Variants in SCN3A observed in about 807,000 individuals in gnomAD.
SCN3A encodes sodium voltage-gated channel alpha subunit 3.
SCN3A carries 60 observed loss-of-function variants against 187.6 expected under a neutral mutation model. The observed-to-expected ratio is 0.32, with a 90% confidence interval of 0.26 to 0.40. The LOEUF (loss-of-function observed/expected upper bound fraction) is 0.40, where lower values mean the gene tolerates loss of function less well. Ranked by LOEUF, SCN3A falls within the 10% of genes least tolerant of loss-of-function variation. The pLI is 1.00. For synonymous variants in SCN3A, 788 were observed against 829.2 expected (o/e 0.95, Z 0.85); for missense variants, 1,601 against 2,428.2 (o/e 0.66, Z 7.16).
intron 15 of SCN3A, among the ~76,000 whole-genome samples, chr2:165,134,418 A>G (rs1687545977): frequency 2.0e-5 from 3 of 152,310 alleles, no homozygotes; most frequent in South Asian, 2.1e-4. Context: ...TCAAAATAAC[A>G]GTATAACAAT....
intron 6 of SCN3A, among the ~76,000 whole-genome samples, chr2:165,164,094 A>G (rs1317302496): frequency 6.6e-6 from 1 of 152,194 alleles, no homozygotes; most frequent in Non-Finnish European, 1.5e-5. Context: ...TAATATGAAC[A>G]CATTTGTTTG....
intron 1 of SCN3A, among the ~76,000 whole-genome samples, chr2:165,187,724 C>G (rs1424676505): frequency 6.6e-6 from 1 of 152,202 alleles, no homozygotes; most frequent in Non-Finnish European, 1.5e-5. Context: ...CTCAGAATCA[C>G]TTTAGCAAAG....
intron 6 of SCN3A, chr2:165,164,002 G>C: frequency 1.0e-6 from 1 of 988,384 alleles, no homozygotes; most frequent in South Asian, 1.5e-5. Context: ...AAATGGAATT[G>C]CTATAGACCT....
intron 10 of SCN3A, among the ~76,000 whole-genome samples, chr2:165,155,003 C>T (rs1462819364): frequency 6.6e-6 from 1 of 152,144 alleles, no homozygotes; most frequent in East Asian, 1.9e-4. Flanking sequence ...ATTCCATTTG[C>T]ACTGCAGCTA....
chr2:165,161,137 CTTTT>C (rs61608647), intron 9 of SCN3A, among the ~76,000 whole-genome samples: 10,898 of 94,238 alleles, frequency 0.12, 279 homozygotes, highest in Middle Eastern at 0.19. Flanking sequence ...TTCTTTCTTT[CTTTT>C]TTTTTTTTTT....
rs114450736 is a variant in SCN3A, at chr2:165,109,335, A to G, written c.3843+3550T>C. 8.2e-3 allele frequency among the ~76,000 whole-genome samples: 1,248 copies of G among 152,270 alleles called. 13 individuals carry two copies. Among genetic ancestry groups the G allele is most frequent in the African/African-American group, 0.022 (920 of 41,574 alleles). Reference sequence around the variant, plus strand: ...CTCGATGAACCTTAAATTTATATACATAAGATTCTGGATTCTCTCCTGAGC... The same window carrying G: ...CTCGATGAACCTTAAATTTATATACGTAAGATTCTGGATTCTCTCCTGAGC... On this transcript the variant is annotated intron_variant, in intron 21 of 27. Coordinates refer to ENST00000283254, the MANE Select transcript of SCN3A (RefSeq NM_006922.4).
At chr2:165,100,958 C>G (rs1369365033) in intron 21 of SCN3A, among the ~76,000 whole-genome samples, 1 of 152,106 alleles carries the variant, frequency 6.6e-6, no homozygotes, top group African/African-American at 2.4e-5. Context: ...GTCAGATATA[C>G]TTTAGCCAAA....
chr2:165,147,075 A>G, intron 11 of SCN3A, 46 bp from the exon 12 acceptor site: 1 of 1,608,560 alleles, frequency 6.2e-7, no homozygotes, highest in Non-Finnish European at 8.5e-7. Flanking sequence ...CAGAGCTTTG[A>G]AAACAGTTGA....
At chr2:165,113,719 T>G in intron 20 of SCN3A, 97 bp downstream of exon 20, 1 of 1,356,452 alleles carries the variant, frequency 7.4e-7, no homozygotes, top group Non-Finnish European at 1.1e-6. Context: ...GATATGCCTT[T>G]TCTTTTGATT....
chr2:165,202,108 C>T (rs1162369573), intron 1 of SCN3A, among the ~76,000 whole-genome samples: 1 of 151,948 alleles, frequency 6.6e-6, no homozygotes, highest in Non-Finnish European at 1.5e-5. Flanking sequence ...ATGAAATCAC[C>T]ACTACATTCT....
At chr2:165,185,208 A>G (rs1233986724) in intron 2 of SCN3A, among the ~76,000 whole-genome samples, 1 of 152,236 alleles carries the variant, frequency 6.6e-6, no homozygotes, top group African/African-American at 2.4e-5. Flanking sequence ...ACAACTGCTA[A>G]CTAGTAACAA....
rs748216777 is a variant in SCN3A, at chr2:165,158,600, C to T, written c.1032-2697G>A. On this transcript the variant is annotated intron_variant, in intron 9 of 27. Coordinates refer to ENST00000283254, the MANE Select transcript of SCN3A (RefSeq NM_006922.4). ...ATGAACCCCTGGAAAACACTATTTT[C>T]TTATCATCTCTGTTGCTTTGTGTTT... Among the ~76,000 whole-genome samples the T allele has an allele frequency of 6.6e-5, 9 of 137,262 alleles. 2 individuals are homozygous for T. Among genetic ancestry groups the T allele is most frequent in the Non-Finnish European group, 1.4e-4 (9 of 66,558 alleles). The allele number at this position is 137,262 out of a possible 152,430, so 90.0% of individuals were successfully genotyped here. A position where few individuals can be genotyped will look rare whatever the true frequency, so the allele number is the denominator to read the frequency against.
chr2:165,184,026 G>A (rs562645283), intron 2 of SCN3A, among the ~76,000 whole-genome samples: 78 of 152,184 alleles, frequency 5.1e-4, no homozygotes, highest in Non-Finnish European at 5.0e-4. Flanking sequence ...AAGATTGACC[G>A]ATGAATTACC....
At chr2:165,162,853 C>G (rs770748419) in intron 7 of SCN3A, 25 bp from the exon 8 acceptor site, 1 of 1,613,318 alleles carries the variant, frequency 6.2e-7, no homozygotes, top group East Asian at 2.2e-5. Flanking sequence ...CTATAGGTTA[C>G]CTGAGGAAGA....
At position 165,170,354 on chromosome 2, in the gene SCN3A, T is replaced by C. The variant is rs984263532; in HGVS notation, c.383+76A>G. Reference sequence around the variant, plus strand: ...AATCTCAAAGAAATTTTACAGATACTTGAAAATATAACTGACATTTTCTTT... The same window carrying C: ...AATCTCAAAGAAATTTTACAGATACCTGAAAATATAACTGACATTTTCTTT... On this transcript the variant is annotated intron_variant, in intron 4 of 27. Coordinates refer to ENST00000283254, the MANE Select transcript of SCN3A (RefSeq NM_006922.4). The C allele has an allele frequency of 3.2e-5, 29 of 897,596 alleles. No homozygotes were observed. In the African/African-American group the frequency reaches 4.8e-4, roughly 15 times the overall value. The allele number at this position is 897,596 out of a possible 1,614,324, so 55.6% of individuals were successfully genotyped here. A position where few individuals can be genotyped will look rare whatever the true frequency, so the allele number is the denominator to read the frequency against.
At chr2:165,113,992 T>C in intron 19 of SCN3A, 22 bp from the exon 20 acceptor site, 4 of 1,428,222 alleles carry the variant, frequency 2.8e-6, no homozygotes, top group Non-Finnish European at 3.9e-6. Flanking sequence ...ATATAGTTAA[T>C]TAAAAAATAT....
chr2:165,195,388 A>G (rs1207287999), intron 1 of SCN3A: 1 of 152,100 alleles, frequency 6.6e-6, no homozygotes, highest in Non-Finnish European at 1.5e-5. Context: ...CATTGAGTTC[A>G]CTCATTCTTC....
intron 4 of SCN3A, among the ~76,000 whole-genome samples, chr2:165,170,191 T>C (rs1204870072): frequency 6.6e-6 from 1 of 151,954 alleles, no homozygotes; most frequent in Non-Finnish European, 1.5e-5. Context: ...TTTCCTACTA[T>C]GTGTTTCCTT....
Position 165,147,002 on chromosome 2 carries a change from T to C in SCN3A, c.1408A>G (p.Arg470Gly). ...AACCCACCTATTCCACTGAAATCTC[T>C]TGAAGCAGCTGATGCTGCCGCAACT... is the stretch of plus-strand genomic sequence containing the variant. Reference protein sequence around the residue: ...QAVAAASAASRDFSGIGGLGE... With the variant: ...QAVAAASAASGDFSGIGGLGE... The change falls in exon 12 of 28, where the codon AGA becomes GGA. Residue 470 changes from arginine (R) to glycine (G), a missense_variant. Physicochemically the swap from Arg to Gly is moderately radical, Grantham distance 125 (BLOSUM62 -2). Transcript: ENST00000283254. 6.2e-7 allele frequency: 1 copy of C among 1,614,028 alleles called. No individual in the cohort carries two copies. The highest frequency in any genetic ancestry group is 1.6e-4 in the Middle Eastern group (1 of 6,062).
Sources: gnomAD v4.1 joint callset for allele counts (sites outside exome capture counted in the v4.1 genomes callset) on GRCh38, gnomAD v4.1.1 for gene constraint, MANE v1.5 for transcripts, NCBI Gene and HGNC (gene_info 2026-07-23, HGNC 2026-07-21) for gene names.